GALNTL6: variants seen among roughly 807,000 people sequenced by gnomAD.
GALNTL6 encodes the protein polypeptide N-acetylgalactosaminyltransferase like 6, also known as polypeptide N-acetylgalactosaminyltransferase-like 6.
Under a neutral mutation model 73.7 loss-of-function variants are expected in GALNTL6, and 46 were observed. The observed-to-expected ratio is 0.62, with a 90% CI of 0.49 to 0.80. The LOEUF is 0.80. Ranked by LOEUF, GALNTL6 falls within the 30% of genes least tolerant of loss-of-function variation. The probability of loss-of-function intolerance (pLI) is 0.00; values close to 1 mark genes in which losing one functional copy is unlikely to be tolerated. For synonymous variants in GALNTL6, 259 were observed against 263.7 expected (o/e 0.98, Z 0.17); for missense variants, 604 against 755.0 (o/e 0.80, Z 2.34).
intron 10 of GALNTL6, among the ~76,000 whole-genome samples, chr4:172,973,310 G>A (rs932092426): frequency 3.6e-4 from 55 of 152,258 alleles, no homozygotes; most frequent in African/African-American, 1.3e-3. Flanking sequence ...GACAAGCCAG[G>A]AAATCAAGAA....
At chr4:172,934,412 A>G (rs888219193) in intron 9 of GALNTL6, among the ~76,000 whole-genome samples, 4 of 152,134 alleles carry the variant, frequency 2.6e-5, no homozygotes, top group Non-Finnish European at 4.4e-5. Flanking sequence ...CAGAAACTAT[A>G]AGGTTTTTTT....
At chr4:172,377,941 C>G (rs1172343707) in intron 5 of GALNTL6, among the ~76,000 whole-genome samples, 2 of 151,558 alleles carry the variant, frequency 1.3e-5, no homozygotes, top group Non-Finnish European at 2.9e-5. Flanking sequence ...TCCCCACAAG[C>G]AGAGGGAGCT....
intron 2 of GALNTL6, among the ~76,000 whole-genome samples, chr4:171,995,349 A>G (rs2110746348): frequency 6.6e-6 from 1 of 152,102 alleles, no homozygotes; most frequent in South Asian, 2.1e-4. Flanking sequence ...GAAATTAAAA[A>G]CATACCTAAC....
intron 2 of GALNTL6, among the ~76,000 whole-genome samples, chr4:172,125,665 C>T (rs1733274716): frequency 6.6e-6 from 1 of 152,182 alleles, no homozygotes; most frequent in South Asian, 2.1e-4. Context: ...TCCTACACTT[C>T]CTCTTTCTTA....
intron 9 of GALNTL6, among the ~76,000 whole-genome samples, chr4:172,951,588 A>G (rs1390836213): frequency 6.6e-6 from 1 of 152,270 alleles, no homozygotes; most frequent in African/African-American, 2.4e-5. Flanking sequence ...GTTGGGGGAA[A>G]AGAATAATAG....
At chr4:171,922,069 A>G (rs1294558967) in intron 2 of GALNTL6, among the ~76,000 whole-genome samples, 1 of 151,446 alleles carries the variant, frequency 6.6e-6, no homozygotes, top group Non-Finnish European at 1.5e-5. Flanking sequence ...ATAGTTTCAT[A>G]GTATGTGTGT....
intron 5 of GALNTL6, among the ~76,000 whole-genome samples, chr4:172,481,432 T>C (rs777121063): frequency 6.8e-6 from 1 of 147,222 alleles, no homozygotes; most frequent in Non-Finnish European, 1.5e-5. Context: ...GGGTTGTCTC[T>C]GTGGGCTTGG....
At chr4:172,180,147 G>A (rs141404188) in intron 2 of GALNTL6, among the ~76,000 whole-genome samples, 15,412 of 152,130 alleles carry the variant, frequency 0.1, 979 homozygotes, top group East Asian at 0.32. Context: ...TCTAACTGGC[G>A]TGAGATGGTA....
At chr4:171,894,570 G>A (rs1736854710) in intron 2 of GALNTL6, among the ~76,000 whole-genome samples, 1 of 152,108 alleles carries the variant, frequency 6.6e-6, no homozygotes, top group Non-Finnish European at 1.5e-5. Flanking sequence ...TGAAAAGATG[G>A]AATCTTGCTC....
intron 2 of GALNTL6, among the ~76,000 whole-genome samples, chr4:171,883,399 C>T (rs1736511910): frequency 6.6e-6 from 1 of 151,982 alleles, no homozygotes; most frequent in Non-Finnish European, 1.5e-5. Flanking sequence ...TACTTTTGGA[C>T]AGGGAACATG....
At chr4:172,602,358 CA>C (rs1210150451) in intron 5 of GALNTL6, among the ~76,000 whole-genome samples, 2 of 151,510 alleles carry the variant, frequency 1.3e-5, no homozygotes, top group Non-Finnish European at 2.9e-5. Context: ...AACTTTAAAA[CA>C]AAAATATTAG....
chr4:172,705,732 C>A (rs1024977162), intron 5 of GALNTL6, among the ~76,000 whole-genome samples: 1 of 152,004 alleles, frequency 6.6e-6, no homozygotes, highest in Admixed American at 6.6e-5. Context: ...TCAAGGATAG[C>A]TTTGTTGGGT....
chr4:172,852,622 G>T (rs1743895700), intron 7 of GALNTL6, among the ~76,000 whole-genome samples: 1 of 152,072 alleles, frequency 6.6e-6, no homozygotes, highest in Non-Finnish European at 1.5e-5. Flanking sequence ...TTGACAATGA[G>T]AAGTCAGTGG....
At chr4:172,382,912 A>G (rs2111286529) in intron 5 of GALNTL6, among the ~76,000 whole-genome samples, 1 of 151,964 alleles carries the variant, frequency 6.6e-6, no homozygotes, top group East Asian at 2.0e-4. Context: ...TTTTTTCCCC[A>G]TTAAATATTT....
rs1487975843 is a variant in GALNTL6 at position 172,154,716 on chromosome 4, G to T, written c.139-74940G>T. Reference sequence around the variant, plus strand: ...GCATACTTCGGTAATACCAAGCAAGGAGACTGCAAGTACCATTCTCCAGGC... The same window carrying T: ...GCATACTTCGGTAATACCAAGCAAGTAGACTGCAAGTACCATTCTCCAGGC... On this transcript the variant is annotated intron_variant, in intron 2 of 12. Transcript: ENST00000506823. Among the ~76,000 whole-genome samples, 4 of 152,146 alleles carry T rather than the reference G, an allele frequency of 2.6e-5. No individual in the cohort carries two copies. In the East Asian group the frequency reaches 7.7e-4, roughly 29 times the overall value.
chr4:172,345,318 A>G (rs1370806097), intron 4 of GALNTL6, among the ~76,000 whole-genome samples: 3 of 152,180 alleles, frequency 2.0e-5, no homozygotes, highest in Non-Finnish European at 4.4e-5. Context: ...TAAGTTACAG[A>G]TATCAATGTA....
At chr4:172,370,583 A>T (rs1444864276) in intron 5 of GALNTL6, among the ~76,000 whole-genome samples, 1 of 142,976 alleles carries the variant, frequency 7.0e-6, no homozygotes, top group Non-Finnish European at 1.5e-5. Flanking sequence ...GTGAGTCGAG[A>T]TCACGCCACT....
intron 5 of GALNTL6, among the ~76,000 whole-genome samples, chr4:172,766,901 G>A (rs559401198): frequency 6.6e-6 from 1 of 152,090 alleles, no homozygotes; most frequent in African/African-American, 2.4e-5. Context: ...GAATTTATTG[G>A]CCATGCCTTC....
chr4:172,858,568 G>A (rs761851436), intron 7 of GALNTL6, among the ~76,000 whole-genome samples: 17 of 152,170 alleles, frequency 1.1e-4, no homozygotes, highest in Non-Finnish European at 2.1e-4. Context: ...AGTGGCTCAT[G>A]CCTGTAATCT....
Sources: gnomAD v4.1 joint callset for allele counts (sites outside exome capture counted in the v4.1 genomes callset) on GRCh38, gnomAD v4.1.1 for gene constraint, MANE v1.5 for transcripts, NCBI Gene and HGNC (gene_info 2026-07-23, HGNC 2026-07-21) for gene names.